ATP8B1: variants seen among roughly 807,000 people sequenced by gnomAD.
The protein encoded by ATP8B1 is phospholipid-transporting ATPase IC.
Under a neutral mutation model 149.9 loss-of-function variants are expected in ATP8B1, and 80 were observed. The ratio of observed to expected loss-of-function variants is 0.53; its 90% confidence interval spans 0.45 to 0.64. The LOEUF is 0.64. Ranked by LOEUF, ATP8B1 falls within the 30% of genes least tolerant of loss-of-function variation. ATP8B1 has a pLI of 0.00. For synonymous variants in ATP8B1, 536 were observed against 562.8 expected (o/e 0.95, Z 0.67); for missense variants, 1,247 against 1,552.6 (o/e 0.80, Z 3.31).
intron 14 of ATP8B1, 62 bp downstream of exon 14, chr18:57,685,010 G>GTT: frequency 6.3e-7 from 1 of 1,581,744 alleles, no homozygotes; most frequent in Non-Finnish European, 8.7e-7. Context: ...AAGGAAGCAT[G>GTT]GCCCTGCTGG....
At chr18:57,689,970 C>G (rs527284035) in intron 12 of ATP8B1, among the ~76,000 whole-genome samples, 8 of 152,240 alleles carry the variant, frequency 5.3e-5, no homozygotes, top group African/African-American at 1.7e-4. Flanking sequence ...GAGCTGAGAT[C>G]GCGCGACTGC....
At chr18:57,671,711 C>T (rs527306358) in intron 16 of ATP8B1, 131 bp from the exon 17 acceptor site, 17 of 672,058 alleles carry the variant, frequency 2.5e-5, no homozygotes, top group South Asian at 1.6e-4. Flanking sequence ...TAGCCTCGAC[C>T]CCCCAGGCTC....
At chr18:57,764,757 CA>C (rs71171091) in intron 1 of ATP8B1, among the ~76,000 whole-genome samples, 24,267 of 103,920 alleles carry the variant, frequency 0.23, 1,303 homozygotes, top group Middle Eastern at 0.32. Flanking sequence ...TTTCAGTTGT[CA>C]AAAAAAAAAA....
At chr18:57,774,361 G>T (rs2080288495) in intron 1 of ATP8B1, among the ~76,000 whole-genome samples, 1 of 152,256 alleles carries the variant, frequency 6.6e-6, no homozygotes, top group African/African-American at 2.4e-5. Context: ...ACTTTGGGAG[G>T]CCAAGGCAGG....
chr18:57,735,499 G>C (rs2079840274), intron 1 of ATP8B1: 1 of 151,934 alleles, frequency 6.6e-6, no homozygotes, highest in African/African-American at 2.4e-5. Flanking sequence ...CCAGGTCAGA[G>C]AACACGAGGC....
chr18:57,758,788 C>T (rs911245284), intron 1 of ATP8B1, among the ~76,000 whole-genome samples: 1 of 151,970 alleles, frequency 6.6e-6, no homozygotes, highest in African/African-American at 2.4e-5. Flanking sequence ...GAAGTCACTT[C>T]TCAGGCAACT....
Position 57,691,910 on chromosome 18 carries a change from G to A in ATP8B1, c.1117C>T (p.Leu373Phe). 1 of 1,614,142 alleles carries A rather than the reference G, an allele frequency of 6.2e-7. No individual in the cohort carries two copies. Among genetic ancestry groups the A allele is most frequent in the Non-Finnish European group, 8.5e-7 (1 of 1,180,036 alleles). Reference protein sequence around the residue: ...EAQVGNSSWYLYDGEDDTPSY... With the variant: ...EAQVGNSSWYFYDGEDDTPSY... ...GGTGTATCGTCTTCTCCATCATAGA[G>A]GTACCAAGAGGAATTGCCCACCTGT... The change falls in exon 12 of 28, where the codon CTC becomes TTC. Residue 373 changes from leucine (L) to phenylalanine (F), a missense_variant. Leu to Phe is a conservative substitution (Grantham distance 22). Transcript: ENST00000648908.
At chr18:57,674,765 C>T in intron 16 of ATP8B1, 69 bp downstream of exon 16, 4 of 1,541,286 alleles carry the variant, frequency 2.6e-6, no homozygotes, top group Non-Finnish European at 3.6e-6. Flanking sequence ...ATCCTGATGC[C>T]ACTCAATACA....
At chr18:57,768,906 T>C (rs1729799305) in intron 1 of ATP8B1, among the ~76,000 whole-genome samples, 1 of 152,226 alleles carries the variant, frequency 6.6e-6, no homozygotes, top group Non-Finnish European at 1.5e-5. Flanking sequence ...ATGATAATTC[T>C]ACAAATTCAG....
intron 10 of ATP8B1, 89 bp from the exon 11 acceptor site, chr18:57,694,759 G>T: frequency 1.1e-6 from 1 of 945,934 alleles, no homozygotes; most frequent in African/African-American, 1.6e-5. Context: ...GCCAGGCATG[G>T]TGGCTTACGC....
chr18:57,704,420 C>T, intron 4 of ATP8B1, 135 bp downstream of exon 4: 1 of 677,452 alleles, frequency 1.5e-6, no homozygotes, highest in Non-Finnish European at 2.7e-6. Context: ...GTGTATGAGG[C>T]ACTGTTCCTT....
intron 2 of ATP8B1, among the ~76,000 whole-genome samples, chr18:57,708,802 G>A (rs1274430132): frequency 6.6e-6 from 1 of 152,152 alleles, no homozygotes; most frequent in East Asian, 1.9e-4. Context: ...TCCCCCTTGT[G>A]GCTCTATAAA....
At chr18:57,742,836 A>C (rs4941025) in intron 1 of ATP8B1, among the ~76,000 whole-genome samples, 6,266 of 151,980 alleles carry the variant, frequency 0.041, 168 homozygotes, top group African/African-American at 0.045. Flanking sequence ...TAAAAAAAAA[A>C]AAAACAAAAC....
chr18:57,683,973 C>T, intron 15 of ATP8B1, 63 bp downstream of exon 15: 1 of 1,591,140 alleles, frequency 6.3e-7, no homozygotes, highest in Non-Finnish European at 8.6e-7. Context: ...GAGCCATAAG[C>T]AGGAGTTACC....
At chr18:57,679,073 C>CA (rs1375371603) in intron 15 of ATP8B1, among the ~76,000 whole-genome samples, 1 of 146,388 alleles carries the variant, frequency 6.8e-6, no homozygotes. Context: ...ACTAAAAATA[C>CA]AAAAAAAATT....
chr18:57,770,105 C>G (rs2080251921), intron 1 of ATP8B1, among the ~76,000 whole-genome samples: 2 of 146,710 alleles, frequency 1.4e-5, no homozygotes, highest in African/African-American at 5.0e-5. Context: ...GTCTCACTCT[C>G]TCACTCAGGC....
At chr18:57,709,841 G>C (rs113165423) in intron 2 of ATP8B1, among the ~76,000 whole-genome samples, 4 of 151,510 alleles carry the variant, frequency 2.6e-5, no homozygotes. Flanking sequence ...CACCACGCCC[G>C]GCTAATTTTT....
intron 1 of ATP8B1, among the ~76,000 whole-genome samples, chr18:57,798,076 A>C (rs2080534531): frequency 6.6e-6 from 1 of 152,164 alleles, no homozygotes; most frequent in Admixed American, 6.5e-5. Flanking sequence ...TCCATGAAGC[A>C]GAGAGGTAAT....
chr18:57,803,148 C>G lies in ATP8B1; in HGVS notation c.-176G>C, dbSNP rs964033535. On this transcript the variant is annotated 5_prime_UTR_variant, in exon 1 of 28. Transcript: ENST00000648908. Reference sequence around the variant, plus strand: ...GGCGCACGGGGGCTGGCCGGGGGCCCGGGGAAGCGTGTCTAGTTGGCGGCG... The same window carrying G: ...GGCGCACGGGGGCTGGCCGGGGGCCGGGGGAAGCGTGTCTAGTTGGCGGCG... The G allele has an allele frequency of 6.6e-6, 1 of 152,238 alleles. No homozygotes were observed. The highest frequency in any genetic ancestry group is 1.9e-4 in the East Asian group (1 of 5,198). The allele number at this position is 152,238 out of a possible 1,614,324, so 9.4% of individuals were successfully genotyped here.
Sources: gnomAD v4.1 joint callset for allele counts (sites outside exome capture counted in the v4.1 genomes callset) on GRCh38, gnomAD v4.1.1 for gene constraint, MANE v1.5 for transcripts, NCBI Gene and HGNC (gene_info 2026-07-23, HGNC 2026-07-21) for gene names.